The following PAX2 variants were observed in gnomAD, a reference collection of about 807,000 sequenced individuals.
PAX2 encodes paired box protein Pax-2.
A neutral mutation model predicts 41.7 loss-of-function variants in PAX2; 9 were observed. The ratio of observed to expected loss-of-function variants is 0.22; its 90% confidence interval spans 0.13 to 0.38. PAX2 has a LOEUF of 0.38. Ranked by LOEUF, PAX2 falls within the 10% of genes least tolerant of loss-of-function variation. The pLI is 1.00. For synonymous variants in PAX2, 221 were observed against 212.7 expected, an observed-to-expected ratio of 1.04 and a Z score of -0.34; for missense variants, 418 against 531.6, an observed-to-expected ratio of 0.79 and a Z score of 2.10.
In PAX2 at chr10:100,747,202, A is replaced by G. The variant is rs189437132; in HGVS notation, c.43+899A>G. ...TCCTTGCCTAGACTGCCGACTCCCC[A>G]TTGAGGATCACGCAGCCAGCAACCT... On this transcript the variant is annotated intron_variant, in intron 1 of 9. Transcript: ENST00000355243. 497 of 152,346 alleles carry G rather than the reference A, an allele frequency of 3.3e-3. 1 individual carries two copies. Among genetic ancestry groups the G allele is most frequent in the Non-Finnish European group, 5.8e-3 (395 of 68,068 alleles). 9.4% of individuals were successfully genotyped at this position (152,346 alleles called of 1,614,324 possible).
intron 6 of PAX2, 94 bp from the exon 7 acceptor site, chr10:100,809,016 G>A: frequency 8.5e-6 from 10 of 1,176,542 alleles, no homozygotes; most frequent in Non-Finnish European, 1.3e-5. Context: ...CCCCATCTGG[G>A]CGGGCTCCCC....
chr10:100,769,670 A>T (rs1564717068), intron 3 of PAX2, among the ~76,000 whole-genome samples: 1 of 148,950 alleles, frequency 6.7e-6, no homozygotes, highest in Non-Finnish European at 1.5e-5. Flanking sequence ...AAAATAAAAT[A>T]AAAAAATAAA....
intron 5 of PAX2, among the ~76,000 whole-genome samples, chr10:100,802,650 A>G (rs1847606015): frequency 6.6e-6 from 1 of 152,038 alleles, no homozygotes; most frequent in African/African-American, 2.4e-5. Flanking sequence ...GAGTCTGAGT[A>G]CCTACTCGGG....
intron 1 of PAX2, among the ~76,000 whole-genome samples, chr10:100,739,541 AGC>A (rs1844883089): frequency 6.6e-6 from 1 of 151,792 alleles, no homozygotes; most frequent in African/African-American, 2.4e-5. Flanking sequence ...AACTCTGCCC[AGC>A]GCGGCCCGGT....
At chr10:100,809,555 T>A (rs1024158910) in intron 7 of PAX2, among the ~76,000 whole-genome samples, 1 of 152,130 alleles carries the variant, frequency 6.6e-6, no homozygotes, top group African/African-American at 2.4e-5. Context: ...ATGAGCCTCT[T>A]GTTAGGATGT....
intron 7 of PAX2, among the ~76,000 whole-genome samples, chr10:100,814,509 C>T (rs1407499156): frequency 2.6e-5 from 4 of 152,216 alleles, no homozygotes; most frequent in Admixed American, 1.3e-4. Context: ...TAGATTATTG[C>T]TTTGGGGTCC....
intron 3 of PAX2, among the ~76,000 whole-genome samples, chr10:100,775,182 G>A (rs1338238997): frequency 6.6e-6 from 1 of 152,232 alleles, no homozygotes; most frequent in Non-Finnish European, 1.5e-5. Flanking sequence ...TGGGGCCGTG[G>A]AGGTTTGATG....
chr10:100,746,397 C>T, intron 1 of PAX2, 94 bp downstream of exon 1: 1 of 895,434 alleles, frequency 1.1e-6, no homozygotes, highest in Non-Finnish European at 1.9e-6. Context: ...GCGCTCAGGT[C>T]CCATCTTGGA....
At chr10:100,818,120 A>G (rs1848250211) in intron 7 of PAX2, among the ~76,000 whole-genome samples, 1 of 152,210 alleles carries the variant, frequency 6.6e-6, no homozygotes, top group Non-Finnish European at 1.5e-5. Context: ...ACTTGAGGAT[A>G]GGGCAGTAAA....
intron 7 of PAX2, among the ~76,000 whole-genome samples, chr10:100,815,760 C>G (rs1472469979): frequency 2.0e-5 from 3 of 152,180 alleles, no homozygotes; most frequent in African/African-American, 7.2e-5. Context: ...CAGAGTCAGG[C>G]CATATTTGAC....
rs867388979 is a variant in PAX2 at position 100,779,351 on chromosome 10, C to T, written c.411-147C>T. 4.2e-5 allele frequency: 32 copies of T among 753,352 alleles called. 1 individual carries two copies. In the Middle Eastern group the frequency reaches 6.5e-3, roughly 153 times the overall value. 46.7% of individuals were successfully genotyped at this position (753,352 alleles called of 1,614,324 possible). On this transcript the variant is annotated intron_variant, in intron 3 of 9. Coordinates refer to ENST00000355243, the MANE Select transcript of PAX2 (RefSeq NM_000278.5). ...AGAAGGAAAACCCTGTGCCTTGCAGCAGTCAGTGAGGGCAGGGACACAGGG... is the reference window on the plus strand; with the variant it reads ...AGAAGGAAAACCCTGTGCCTTGCAGTAGTCAGTGAGGGCAGGGACACAGGG...
rs1013179640 is a variant in PAX2 at position 100,824,927 on chromosome 10, C to A, written c.1021+178C>A. 6.2e-7 allele frequency: 1 copy of A among 1,614,120 alleles called. No homozygotes were observed. The highest frequency in any genetic ancestry group is 1.7e-5 in the Admixed American group (1 of 60,022). ...AGGCTGCAGTTGGTCCCTCATCCTC[C>A]CTCATGAGCAAGCCGGGGAGGAAGC... On this transcript the variant is annotated intron_variant, in intron 8 of 9. Coordinates refer to ENST00000355243, the MANE Select transcript of PAX2 (RefSeq NM_000278.5). The surrounding 1 kb of genome is among the most constrained non-coding windows in gnomAD (Gnocchi z 6.6).
chr10:100,772,686 G>A (rs1475385445), intron 3 of PAX2, among the ~76,000 whole-genome samples: 1 of 152,138 alleles, frequency 6.6e-6, no homozygotes, highest in African/African-American at 2.4e-5. Flanking sequence ...TTTACTCCAG[G>A]ACAATTTAAA....
At chr10:100,777,944 C>G (rs562244235) in intron 3 of PAX2, among the ~76,000 whole-genome samples, 1 of 152,366 alleles carries the variant, frequency 6.6e-6, no homozygotes, top group East Asian at 1.9e-4. Flanking sequence ...CTCATTCTGG[C>G]TGACCACTCT....
chr10:100,817,675 C>A (rs889311864), intron 7 of PAX2, among the ~76,000 whole-genome samples: 1 of 152,184 alleles, frequency 6.6e-6, no homozygotes, highest in East Asian at 1.9e-4. Context: ...GGCACAGCCC[C>A]CTCTGCTGGA....
chr10:100,793,048 C>T (rs538689611), intron 5 of PAX2, among the ~76,000 whole-genome samples: 3 of 152,296 alleles, frequency 2.0e-5, no homozygotes, highest in South Asian at 2.1e-4. Context: ...TGTAATTTTT[C>T]GCCTTGCTTG....
chr10:100,774,164 CTCTT>C (rs1400232058), intron 3 of PAX2, among the ~76,000 whole-genome samples: 1 of 152,194 alleles, frequency 6.6e-6, no homozygotes, highest in African/African-American at 2.4e-5. Context: ...GAGCGCTTCT[CTCTT>C]TCTTCTTGAG....
At chr10:100,760,632 G>C (rs1249388408) in intron 3 of PAX2, among the ~76,000 whole-genome samples, 1 of 152,172 alleles carries the variant, frequency 6.6e-6, no homozygotes, top group African/African-American at 2.4e-5. Context: ...TCCTCAAAGG[G>C]AGCATGTATT....
chr10:100,825,284 G>A (rs1464645049), intron 8 of PAX2, among the ~76,000 whole-genome samples: 2 of 152,172 alleles, frequency 1.3e-5, no homozygotes, highest in Non-Finnish European at 2.9e-5. Context: ...AGGTCAGGCT[G>A]CGGCGGGAAG....
Sources: gnomAD v4.1 joint callset for allele counts (sites outside exome capture counted in the v4.1 genomes callset) on GRCh38, gnomAD v4.1.1 for gene constraint, Gnocchi (gnomAD v3.1) non-coding constraint, MANE v1.5 for transcripts, NCBI Gene and HGNC (gene_info 2026-07-23, HGNC 2026-07-21) for gene names.